Variants in KCNAB1 observed in about 807,000 individuals in gnomAD.
The protein encoded by KCNAB1 is potassium voltage-gated channel subfamily A regulatory beta subunit 1.
Under a neutral mutation model 64.6 loss-of-function variants are expected in KCNAB1, and 35 were observed. That is an observed-to-expected ratio of 0.54 (90% CI 0.41 to 0.72). KCNAB1 has a LOEUF of 0.72. KCNAB1 is among the 30% of genes least tolerant of loss of function. KCNAB1 has a pLI of 0.00. For synonymous variants in KCNAB1, 177 were observed against 183.8 expected (o/e 0.96, Z 0.30); for missense variants, 401 against 512.9 (o/e 0.78, Z 2.11).
rs1328179183 is a variant in KCNAB1, at chr3:156,158,190, AT to A, written c.275+37305del. ...AAAAAAAAAAATAAAAAATAAATAA[AT>A]AAATAAATAAATAAATAAATAAATA... On this transcript the variant is annotated intron_variant, in intron 1 of 13. Coordinates refer to ENST00000490337, the MANE Select transcript of KCNAB1 (RefSeq NM_172160.3). Among the ~76,000 whole-genome samples the A allele has an allele frequency of 5.8e-3, 729 of 126,474 alleles. 11 individuals are homozygous for A. Among genetic ancestry groups the A allele is most frequent in the Non-Finnish European group, 8.3e-3 (471 of 57,074 alleles). The allele number at this position is 126,474 out of a possible 152,430, so 83.0% of individuals were successfully genotyped here.
rs567040776 is a variant in KCNAB1, at chr3:156,477,138, G to C, written c.658+2318G>C. On this transcript the variant is annotated intron_variant, in intron 8 of 13. Coordinates refer to ENST00000490337, the MANE Select transcript of KCNAB1 (RefSeq NM_172160.3). ...TACCAACAAGATAATGATGTCTCTT[G>C]TATCAATATTTATTACATGTTGAAA... Among the ~76,000 whole-genome samples, 11 of 152,264 alleles carry C rather than the reference G, an allele frequency of 7.2e-5. No individual in the cohort carries two copies. In the East Asian group the frequency reaches 1.9e-3, roughly 27 times the overall value.
chr3:156,121,266 G>A (rs1713328222), intron 1 of KCNAB1, among the ~76,000 whole-genome samples: 1 of 152,172 alleles, frequency 6.6e-6, no homozygotes, highest in Non-Finnish European at 1.5e-5. Context: ...CTGAGAACTT[G>A]GGGATGAGGG....
intron 1 of KCNAB1, among the ~76,000 whole-genome samples, chr3:156,141,653 T>C (rs146697580): frequency 6.6e-6 from 1 of 152,336 alleles, no homozygotes; most frequent in Non-Finnish European, 1.5e-5. Context: ...TGCCACAGTT[T>C]AATCATTCAC....
At chr3:156,518,767 CCA>C (rs1489905765) in intron 11 of KCNAB1, among the ~76,000 whole-genome samples, 2 of 152,148 alleles carry the variant, frequency 1.3e-5, no homozygotes, top group Non-Finnish European at 2.9e-5. Flanking sequence ...TCCTCTGGCC[CCA>C]CTACTCTAAC....
intron 11 of KCNAB1, among the ~76,000 whole-genome samples, chr3:156,522,086 C>T (rs1274192714): frequency 7.0e-6 from 1 of 143,390 alleles, no homozygotes; most frequent in African/African-American, 2.5e-5. Context: ...GCACTGCATA[C>T]AAGATTTCAA....
chr3:156,178,567 A>G (rs936640234), intron 1 of KCNAB1, among the ~76,000 whole-genome samples: 1 of 152,214 alleles, frequency 6.6e-6, no homozygotes, highest in Admixed American at 6.5e-5. Flanking sequence ...TTAAGAGTCT[A>G]TTGGATTGGG....
At chr3:156,321,608 T>G (rs577705669) in intron 1 of KCNAB1, among the ~76,000 whole-genome samples, 133 of 152,352 alleles carry the variant, frequency 8.7e-4, no homozygotes, top group African/African-American at 3.0e-3. Flanking sequence ...AGAACAAAGA[T>G]TTATGTGGGT....
intron 1 of KCNAB1, among the ~76,000 whole-genome samples, chr3:156,192,497 C>T (rs953967737): frequency 1.3e-5 from 2 of 152,016 alleles, no homozygotes; most frequent in Admixed American, 6.5e-5. Context: ...AAAGGTCAAA[C>T]GATAAACTGG....
chr3:156,247,928 A>G (rs1717564659), intron 1 of KCNAB1, among the ~76,000 whole-genome samples: 2 of 152,168 alleles, frequency 1.3e-5, no homozygotes, highest in Non-Finnish European at 2.9e-5. Flanking sequence ...ACAGTTCTCA[A>G]TTCCTTGAGG....
intron 1 of KCNAB1, among the ~76,000 whole-genome samples, chr3:156,202,620 A>C (rs1214811614): frequency 6.6e-6 from 1 of 152,098 alleles, no homozygotes; most frequent in Non-Finnish European, 1.5e-5. Context: ...CTGTTCTTGC[A>C]TGTTGTCTAC....
At chr3:156,480,384 G>C (rs1030443159) in intron 8 of KCNAB1, among the ~76,000 whole-genome samples, 6 of 151,978 alleles carry the variant, frequency 3.9e-5, no homozygotes, top group African/African-American at 1.4e-4. Flanking sequence ...GTTGTGGGGT[G>C]GGGGGCAAGG....
At chr3:156,362,268 C>T (rs954658053) in intron 1 of KCNAB1, among the ~76,000 whole-genome samples, 10 of 152,212 alleles carry the variant, frequency 6.6e-5, no homozygotes, top group African/African-American at 1.7e-4. Context: ...TCTAGAATGA[C>T]GTGATTATTA....
chr3:156,286,469 G>A lies in KCNAB1; in HGVS notation c.276-135147G>A, dbSNP rs1720104329. On this transcript the variant is annotated intron_variant, in intron 1 of 13. Coordinates refer to ENST00000490337, the MANE Select transcript of KCNAB1 (RefSeq NM_172160.3). ...AATTGAGTGTTTTCTGTCCCCTGTTGGCTGTGGTTTCCAATGGAATATAAA... is the reference window on the plus strand; with the variant it reads ...AATTGAGTGTTTTCTGTCCCCTGTTAGCTGTGGTTTCCAATGGAATATAAA... 1.3e-5 allele frequency among the ~76,000 whole-genome samples: 2 copies of A among 152,102 alleles called. 1 individual carries two copies. The highest frequency in any genetic ancestry group is 4.1e-4 in the South Asian group (2 of 4,824).
Position 156,255,549 on chromosome 3 carries a change from T to C in KCNAB1, c.275+134663T>C, listed in dbSNP as rs1045542663. Among the ~76,000 whole-genome samples the C allele has an allele frequency of 2.0e-5, 3 of 152,276 alleles. No homozygotes were observed. In the South Asian group the frequency reaches 6.2e-4, roughly 32 times the overall value. ...CCTGCTCCATCTTCCTCTTACACTCTCTTTTACCACTCCCTCGGAATGCCC... is the reference window on the plus strand; with the variant it reads ...CCTGCTCCATCTTCCTCTTACACTCCCTTTTACCACTCCCTCGGAATGCCC... On this transcript the variant is annotated intron_variant, in intron 1 of 13. Transcript: ENST00000490337.
chr3:156,267,949 C>G (rs894808416), intron 1 of KCNAB1, among the ~76,000 whole-genome samples: 1 of 151,866 alleles, frequency 6.6e-6, no homozygotes, highest in Non-Finnish European at 1.5e-5. Context: ...CCATAGTCAC[C>G]TGCTTTTGCT....
rs1714428826 is a variant in KCNAB1 at position 156,408,719 on chromosome 3, GCAGTGAGC to G, written c.276-12894_276-12887del. Among the ~76,000 whole-genome samples, 3 of 152,152 alleles carry G rather than the reference GCAGTGAGC, an allele frequency of 2.0e-5. No individual in the cohort carries two copies. In the South Asian group the frequency reaches 6.2e-4, roughly 32 times the overall value. On this transcript the variant is annotated intron_variant, in intron 1 of 13. Coordinates refer to ENST00000490337, the MANE Select transcript of KCNAB1 (RefSeq NM_172160.3). The stretch of plus-strand genomic sequence containing the variant: ...CACTTGAACCTGGGAGACAGAGATT[GCAGTGAGC>G]CAAGATGGTGCCACTGCACTGCAGC...
Position 156,452,258 on chromosome 3 carries a change from T to C in KCNAB1, c.320-641T>C, listed in dbSNP as rs1466398272. On this transcript the variant is annotated intron_variant, in intron 2 of 13. Transcript: ENST00000490337. This position sits in a 1 kb window ranked among gnomAD's most constrained non-coding sequence, Gnocchi z 4.6. ...TCTACTTTACAAAGTTTCAAACGTC[T>C]TTGGCTGCTGAGTGTGCATCTCTCC... 6.6e-6 allele frequency among the ~76,000 whole-genome samples: 1 copy of C among 152,194 alleles called. No homozygotes were observed. Among genetic ancestry groups the C allele is most frequent in the African/African-American group, 2.4e-5 (1 of 41,452 alleles).
At chr3:156,145,258 C>T (rs899055661) in intron 1 of KCNAB1, among the ~76,000 whole-genome samples, 1 of 152,282 alleles carries the variant, frequency 6.6e-6, no homozygotes, top group Non-Finnish European at 1.5e-5. Context: ...TGATCATTAA[C>T]CCTAAGAAAT....
rs568660193 is a variant in KCNAB1, at chr3:156,417,275, A to G, written c.276-4341A>G. ...TAGTAACTTCCAGGTAAGGCAGAGTATAATTCAGAAGGATCAGAAAGATGT... is the reference window on the plus strand; with the variant it reads ...TAGTAACTTCCAGGTAAGGCAGAGTGTAATTCAGAAGGATCAGAAAGATGT... On this transcript the variant is annotated intron_variant, in intron 1 of 13. Transcript: ENST00000490337. Among the ~76,000 whole-genome samples the G allele has an allele frequency of 3.9e-5, 6 of 152,370 alleles. No homozygotes were observed. In the East Asian group the frequency reaches 1.2e-3, roughly 29 times the overall value.
Sources: allele counts gnomAD v4.1 joint callset (sites outside exome capture counted in the v4.1 genomes callset), GRCh38; gene constraint gnomAD v4.1.1; non-coding constraint Gnocchi (gnomAD v3.1); transcripts MANE v1.5; gene names NCBI Gene and HGNC (gene_info 2026-07-23, HGNC 2026-07-21).